Variants in GALNT2 observed in about 807,000 individuals in gnomAD.
The protein encoded by GALNT2 is polypeptide N-acetylgalactosaminyltransferase 2, also known as UDP-GalNAc:polypeptide N-acetylgalactosaminyltransferase 2.
A neutral mutation model predicts 81.4 loss-of-function variants in GALNT2; 31 were observed. The ratio of observed to expected loss-of-function variants is 0.38; its 90% CI spans 0.29 to 0.51. GALNT2 has a LOEUF of 0.51. Among genes scored for constraint, GALNT2 ranks in the 20% least tolerant of loss-of-function variants. The pLI, the probability that GALNT2 is intolerant of heterozygous loss-of-function variation, is 0.87. For missense variants in GALNT2, 629 were observed against 765.7 expected (o/e 0.82, Z 2.11); for synonymous variants, 303 against 287.4 (o/e 1.05, Z -0.55).
intron 2 of GALNT2, among the ~76,000 whole-genome samples, chr1:230,184,393 A>C (rs1663254154): frequency 6.6e-6 from 1 of 151,912 alleles, no homozygotes; most frequent in African/African-American, 2.4e-5. Context: ...GTTTCACCAC[A>C]TTAGGCAGGA....
chr1:230,067,261 C>T lies in GALNT2; in HGVS notation c.-20C>T, dbSNP rs1040413981. ...GCACTCGCGAGCAGCGGCGGCCCCG[C>T]CGGCGGCCGAGTTGGGAGAATGCGG... On this transcript the variant is annotated 5_prime_UTR_variant, in exon 1 of 16. Transcript: ENST00000366672. The T allele has an allele frequency of 2.3e-6, 3 of 1,289,454 alleles. No homozygotes were observed. Among genetic ancestry groups the T allele is most frequent in the African/African-American group, 3.1e-5 (2 of 63,724 alleles). 79.9% of individuals were successfully genotyped at this position (1,289,454 alleles called of 1,614,324 possible).
At chr1:230,226,723 T>C (rs1349684959) in intron 3 of GALNT2, among the ~76,000 whole-genome samples, 1 of 152,208 alleles carries the variant, frequency 6.6e-6, no homozygotes, top group Non-Finnish European at 1.5e-5. Flanking sequence ...CCGCGGACAT[T>C]TCTCCCCCTC....
intron 1 of GALNT2, among the ~76,000 whole-genome samples, chr1:230,094,376 C>T (rs966857965): frequency 2.0e-5 from 3 of 151,956 alleles, no homozygotes; most frequent in African/African-American, 7.2e-5. Flanking sequence ...GTAATCCCAG[C>T]ACTTTGGGAG....
chr1:230,233,528 G>A (rs531249686), intron 3 of GALNT2, among the ~76,000 whole-genome samples: 1 of 152,274 alleles, frequency 6.6e-6, no homozygotes, highest in South Asian at 2.1e-4. Flanking sequence ...CAGGAGAATC[G>A]CTTGAACCCG....
intron 1 of GALNT2, among the ~76,000 whole-genome samples, chr1:230,062,150 A>G (rs1659064663): frequency 6.6e-6 from 1 of 152,216 alleles, no homozygotes; most frequent in Non-Finnish European, 1.5e-5. Context: ...TTACAACTCT[A>G]TTAAGAGCAA....
At chr1:230,080,739 C>A (rs1178358684) in intron 1 of GALNT2, among the ~76,000 whole-genome samples, 1 of 152,178 alleles carries the variant, frequency 6.6e-6, no homozygotes, top group African/African-American at 2.4e-5. Flanking sequence ...CCAGTTAGCT[C>A]TGTGGCCTCA....
At chr1:230,180,124 G>A (rs1663110602) in intron 2 of GALNT2, among the ~76,000 whole-genome samples, 2 of 152,044 alleles carry the variant, frequency 1.3e-5, no homozygotes, top group South Asian at 4.2e-4. Flanking sequence ...TTGCCATGTT[G>A]GCCAGGCTGG....
chr1:230,067,432 G>A, intron 1 of GALNT2, 26 bp downstream of exon 1: 4 of 1,015,344 alleles, frequency 3.9e-6, no homozygotes, highest in Non-Finnish European at 5.0e-6. Context: ...TGCCGCGGCC[G>A]GGCCCCTGCG....
chr1:230,125,328 A>C (rs1345711064), intron 1 of GALNT2, among the ~76,000 whole-genome samples: 1 of 152,210 alleles, frequency 6.6e-6, no homozygotes, highest in African/African-American at 2.4e-5. Flanking sequence ...GGGAGAAAGA[A>C]GGAATAGCTG....
intron 1 of GALNT2, among the ~76,000 whole-genome samples, chr1:230,085,998 T>C (rs1014200906): frequency 6.6e-6 from 1 of 151,928 alleles, no homozygotes; most frequent in African/African-American, 2.4e-5. Context: ...GCCCCTAAGG[T>C]GATTGGAAAC....
At chr1:230,107,027 C>G (rs1660564260) in intron 1 of GALNT2, among the ~76,000 whole-genome samples, 1 of 152,232 alleles carries the variant, frequency 6.6e-6, no homozygotes, top group Non-Finnish European at 1.5e-5. Flanking sequence ...CAGAAGGAAG[C>G]TGGCTCCGAG....
At chr1:230,240,453 A>G (rs1326140425) in intron 6 of GALNT2, among the ~76,000 whole-genome samples, 3 of 152,178 alleles carry the variant, frequency 2.0e-5, no homozygotes, top group Non-Finnish European at 4.4e-5. Context: ...TTAGCCGGGC[A>G]TGGTGGCATG....
intron 1 of GALNT2, among the ~76,000 whole-genome samples, chr1:230,084,330 G>A (rs1189121013): frequency 6.6e-6 from 1 of 152,188 alleles, no homozygotes; most frequent in African/African-American, 2.4e-5. Context: ...GGGACCTGTG[G>A]GCGAGGCCTG....
At chr1:230,066,831 G>C (rs1313867233), upstream of GALNT2, among the ~76,000 whole-genome samples, 6 of 152,040 alleles carry the variant, frequency 3.9e-5, no homozygotes, top group Non-Finnish European at 5.9e-5. Flanking sequence ...GCTCCAGTCG[G>C]GTCCCGGGGC....
chr1:230,067,270 G>A lies in GALNT2; in HGVS notation c.-11G>A, dbSNP rs566513446. On this transcript the variant is annotated 5_prime_UTR_variant, in exon 1 of 16. Coordinates refer to ENST00000366672, the MANE Select transcript of GALNT2 (RefSeq NM_004481.5). Reference sequence around the variant, plus strand: ...AGCAGCGGCGGCCCCGCCGGCGGCCGAGTTGGGAGAATGCGGCGGCGCTCG... The same window carrying A: ...AGCAGCGGCGGCCCCGCCGGCGGCCAAGTTGGGAGAATGCGGCGGCGCTCG... The A allele has an allele frequency of 1.5e-6, 2 of 1,323,392 alleles. No homozygotes were observed. The highest frequency in any genetic ancestry group is 1.9e-6 in the Non-Finnish European group (2 of 1,026,164). The allele number at this position is 1,323,392 out of a possible 1,614,324, so 82.0% of individuals were successfully genotyped here.
intron 1 of GALNT2, among the ~76,000 whole-genome samples, chr1:230,109,453 T>C (rs1022663): frequency 0.81 from 123,956 of 152,184 alleles, 51,148 homozygotes; most frequent in African/African-American, 0.95. Flanking sequence ...TGTCTGGGAC[T>C]GGCTAATGAC....
intron 1 of GALNT2, among the ~76,000 whole-genome samples, chr1:230,082,157 TCTC>T (rs1659753113): frequency 6.6e-6 from 1 of 152,170 alleles, no homozygotes; most frequent in African/African-American, 2.4e-5. Flanking sequence ...CCATCCTTCT[TCTC>T]TAGTCCGTGT....
At chr1:230,077,405 A>T (rs1659597444) in intron 1 of GALNT2, among the ~76,000 whole-genome samples, 2 of 152,204 alleles carry the variant, frequency 1.3e-5, no homozygotes, top group Admixed American at 1.3e-4. Context: ...ATCAATTCCG[A>T]GAGGCCATTA....
Position 230,095,050 on chromosome 1 carries a change from C to T in GALNT2, c.126+27644C>T, listed in dbSNP as rs190987907. On this transcript the variant is annotated intron_variant, in intron 1 of 15. Coordinates refer to ENST00000366672, the MANE Select transcript of GALNT2 (RefSeq NM_004481.5). The stretch of plus-strand genomic sequence containing the variant: ...CTGTTACAAACTGGCCCTTCTGCTC[C>T]GAGTCTGCTGGTCCTCATACGGTTC... Among the ~76,000 whole-genome samples the T allele has an allele frequency of 5.0e-3, 768 of 152,216 alleles. 16 individuals are homozygous for T. The highest frequency in any genetic ancestry group is 3.1e-3 in the Non-Finnish European group (213 of 68,022).
Sources: allele counts gnomAD v4.1 joint callset (sites outside exome capture counted in the v4.1 genomes callset), GRCh38; gene constraint gnomAD v4.1.1; transcripts MANE v1.5; gene names NCBI Gene and HGNC (gene_info 2026-07-23, HGNC 2026-07-21).